The following ABCA8 variants were observed in gnomAD, a reference collection of about 807,000 sequenced individuals.
ABCA8 encodes the protein ABC-type organic anion transporter ABCA8.
Under a neutral mutation model 192.3 loss-of-function variants are expected in ABCA8, and 177 were observed. That is an observed-to-expected ratio of 0.92 (90% CI 0.81 to 1.04). ABCA8 has a LOEUF of 1.04. Ranked by LOEUF, ABCA8 falls within the 50% of genes least tolerant of loss-of-function variation. ABCA8 has a pLI of 0.00. For missense variants in ABCA8, 1,915 were observed against 1,904.8 expected (o/e 1.01, Z -0.10); for synonymous variants, 642 against 690.2 (o/e 0.93, Z 1.09).
At position 68,924,961 on chromosome 17, in the gene ABCA8, T is replaced by C. The variant is rs543985803; in HGVS notation, c.1274-92A>G. ...TGTAGCACGGCAACACAGCCCTTTGTTGCTAAACCTGAACATGTGGTCAAC... is the reference window on the plus strand; with the variant it reads ...TGTAGCACGGCAACACAGCCCTTTGCTGCTAAACCTGAACATGTGGTCAAC... On this transcript the variant is annotated intron_variant, in intron 10 of 39. Transcript: ENST00000586539. 45 of 1,341,008 alleles carry C rather than the reference T, an allele frequency of 3.4e-5. No individual in the cohort carries two copies. The Admixed American group carries it at 7.8e-4, about 23-fold the overall frequency. The allele number at this position is 1,341,008 out of a possible 1,614,324, so 83.1% of individuals were successfully genotyped here.
chr17:68,945,216 G>C (rs1460533304), intron 2 of ABCA8, among the ~76,000 whole-genome samples: 2 of 152,068 alleles, frequency 1.3e-5, no homozygotes, highest in Non-Finnish European at 2.9e-5. Context: ...AGTGTGTAGG[G>C]TATCTCAGTA....
intron 17 of ABCA8, among the ~76,000 whole-genome samples, chr17:68,916,088 A>G (rs2067352297): frequency 6.6e-6 from 1 of 152,096 alleles, no homozygotes. Flanking sequence ...AATTGATTTT[A>G]TGGAGATAGT....
chr17:68,944,572 T>A (rs2068343624), intron 2 of ABCA8: 1 of 151,240 alleles, frequency 6.6e-6, no homozygotes, highest in Admixed American at 6.6e-5. Flanking sequence ...TGAGGGGCAA[T>A]CTGTAAACCA....
In ABCA8 at chr17:68,935,570, T is replaced by A. The variant is rs865983129; in HGVS notation, c.466+1381A>T. ...TATATATATATATATATATATATAT[T>A]ATCTTCTTTATCCAGCCCTCTGTTG... On this transcript the variant is annotated intron_variant, in intron 5 of 39. Transcript: ENST00000586539. Among the ~76,000 whole-genome samples the A allele has an allele frequency of 4.6e-3, 220 of 48,314 alleles. 1 individual carries two copies. The highest frequency in any genetic ancestry group is 8.6e-3 in the African/African-American group (99 of 11,540). The allele number at this position is 48,314 out of a possible 152,430, so 31.7% of individuals were successfully genotyped here.
At chr17:68,918,953 A>AAAAAAAAAAAAAAAACAC (rs1184166263) in intron 14 of ABCA8, among the ~76,000 whole-genome samples, 1 of 151,348 alleles carries the variant, frequency 6.6e-6, no homozygotes, top group East Asian at 1.9e-4. Context: ...AAAAAAAAAA[A>AAAAAAAAAAAAAAAACAC]AAGAACAAAC....
intron 14 of ABCA8, among the ~76,000 whole-genome samples, chr17:68,918,930 C>CAAAAAAAAAAAAAA (rs34377045): frequency 8.7e-5 from 4 of 45,950 alleles, no homozygotes; most frequent in Admixed American, 2.3e-4. Flanking sequence ...AACTCTGTCT[C>CAAAAAAAAAAAAAA]AAAAAAAAAA....
intron 10 of ABCA8, among the ~76,000 whole-genome samples, chr17:68,925,222 C>T (rs1458107692): frequency 6.7e-6 from 1 of 149,742 alleles, no homozygotes; most frequent in African/African-American, 2.5e-5. Context: ...ATTACATAGG[C>T]AAAGAAAGAA....
At position 68,932,530 on chromosome 17, in the gene ABCA8, A is replaced by G; in HGVS notation, c.571-16T>C. The G allele has an allele frequency of 6.4e-7, 1 of 1,565,164 alleles. No individual in the cohort carries two copies. Among genetic ancestry groups the G allele is most frequent in the Non-Finnish European group, 8.8e-7 (1 of 1,137,702 alleles). ...TTGTTGTGATCTGAAGAAAGGCATTAATAAGCAAAATTTGTACGTTAATGA... is the reference window on the plus strand; with the variant it reads ...TTGTTGTGATCTGAAGAAAGGCATTGATAAGCAAAATTTGTACGTTAATGA... On this transcript the variant is annotated splice_polypyrimidine_tract_variant and intron_variant, in intron 6 of 39. Coordinates refer to ENST00000586539, the MANE Select transcript of ABCA8 (RefSeq NM_001288985.2).
rs750489152 is a variant in ABCA8, at chr17:68,903,394, A to G, written c.2504T>C (p.Ile835Thr). ...CTGTCGCCAGAGAGCCACACCACCTATTGTCTTTCTCATCTTGTTAAGTGA... is the reference window on the plus strand; with the variant it reads ...CTGTCGCCAGAGAGCCACACCACCTGTTGTCTTTCTCATCTTGTTAAGTGA... ...LSSLNKMRKT[I>T]GGVALWRQQI... Residue 835 changes from isoleucine (I) to threonine (T), a missense_variant, in exon 20 of 40, where the codon ATA becomes ACA. Transcript: ENST00000586539. 1.6e-5 allele frequency: 26 copies of G among 1,613,956 alleles called. No homozygotes were observed. Among genetic ancestry groups the G allele is most frequent in the South Asian group, 2.2e-5 (2 of 91,074 alleles).
intron 11 of ABCA8, among the ~76,000 whole-genome samples, chr17:68,924,493 T>C: frequency 6.6e-6 from 1 of 152,206 alleles, no homozygotes; most frequent in Non-Finnish European, 1.5e-5. Context: ...ATTTAAGCTT[T>C]TATTTAGTGT....
intron 1 of ABCA8, among the ~76,000 whole-genome samples, chr17:68,954,499 T>A (rs1228547873): frequency 6.6e-6 from 1 of 152,174 alleles, no homozygotes; most frequent in African/African-American, 2.4e-5. Flanking sequence ...TTATTATACA[T>A]ATGGCAAATA....
At chr17:68,929,514 T>A (rs2067798893) in intron 8 of ABCA8, 47 bp downstream of exon 8, 1 of 1,570,240 alleles carries the variant, frequency 6.4e-7, no homozygotes, top group Non-Finnish European at 8.6e-7. Context: ...AAACAAACAA[T>A]TTTTAGGCTA....
chr17:68,939,026 A>G (rs1350056476), intron 4 of ABCA8, among the ~76,000 whole-genome samples: 1 of 152,200 alleles, frequency 6.6e-6, no homozygotes, highest in Admixed American at 6.6e-5. Flanking sequence ...CCGATCCAAC[A>G]GGACACACCA....
chr17:68,927,780 C>T (rs763785934), intron 10 of ABCA8, 136 bp downstream of exon 10: 20 of 632,208 alleles, frequency 3.2e-5, no homozygotes, highest in East Asian at 2.7e-4. Flanking sequence ...TGGCCAGTAG[C>T]GACGACTTTG....
At chr17:68,937,190 C>G (rs2068091717) in intron 4 of ABCA8, 75 bp from the exon 5 acceptor site, 1 of 1,251,500 alleles carries the variant, frequency 8.0e-7, no homozygotes, top group South Asian at 1.6e-5. Flanking sequence ...TGTTGAATTG[C>G]TTTTACTAGA....
rs755781896 is a variant in ABCA8, at chr17:68,868,331, C to A, written c.4737G>T (p.Glu1579Asp). Residue 1579 changes from glutamate to aspartate, a missense_variant, in exon 39 of 40, where the codon GAG becomes GAT. Coordinates refer to ENST00000586539, the MANE Select transcript of ABCA8 (RefSeq NM_001288985.2). ...EKVKQSFDLE[E>D]YSLSQSTLEQ... ...CCAGGGTAGACTGTGAGAGGCTGTACTCCTCTAGGTCAAAGCTCTGTTTAA... is the reference window on the plus strand; with the variant it reads ...CCAGGGTAGACTGTGAGAGGCTGTAATCCTCTAGGTCAAAGCTCTGTTTAA... The A allele has an allele frequency of 8.3e-5, 134 of 1,613,596 alleles. No individual in the cohort carries two copies. Among genetic ancestry groups the A allele is most frequent in the Non-Finnish European group, 1.1e-4 (130 of 1,179,708 alleles).
chr17:68,905,303 A>G (rs2067036712), intron 19 of ABCA8, among the ~76,000 whole-genome samples: 1 of 152,260 alleles, frequency 6.6e-6, no homozygotes, highest in South Asian at 2.1e-4. Context: ...AATCAGAGTC[A>G]GTTACTGATA....
At chr17:68,955,111 G>C (rs1274743709) in intron 1 of ABCA8, 108 bp downstream of exon 1, 1 of 151,994 alleles carries the variant, frequency 6.6e-6, no homozygotes, top group Non-Finnish European at 1.5e-5. Flanking sequence ...GTTTATAAAG[G>C]TTTATTTATA....
At chr17:68,932,608 C>T (rs923428459) in intron 6 of ABCA8, 94 bp from the exon 7 acceptor site, 1 of 934,486 alleles carries the variant, frequency 1.1e-6, no homozygotes, top group Non-Finnish European at 1.7e-6. Flanking sequence ...GTATGATTGG[C>T]CTATTGGGAT....
Sources: allele counts gnomAD v4.1 joint callset (sites outside exome capture counted in the v4.1 genomes callset), GRCh38; gene constraint gnomAD v4.1.1; transcripts MANE v1.5; gene names NCBI Gene and HGNC (gene_info 2026-07-23, HGNC 2026-07-21).